The following DHRSX variants were observed in gnomAD, a reference collection of about 807,000 sequenced individuals.
DHRSX encodes dehydrogenase/reductase X-linked.
In DHRSX, 31 loss-of-function variants were observed where a neutral mutation model predicts 34.0. That is an observed-to-expected ratio of 0.91 (90% CI 0.69 to 1.23). The LOEUF is 1.23. DHRSX is among the 50% of genes most tolerant of loss of function. The pLI, the probability that DHRSX is intolerant of heterozygous loss-of-function variation, is 0.00. For synonymous variants in DHRSX, 201 were observed against 183.8 expected (o/e 1.09, Z -0.76); for missense variants, 414 against 428.1 (o/e 0.97, Z 0.29).
At chrX:2,399,205 G>C (rs944225855) in intron 3 of DHRSX, among the ~76,000 whole-genome samples, 8 of 152,234 alleles carry the variant, frequency 5.3e-5, no homozygotes, top group Non-Finnish European at 8.8e-5. Flanking sequence ...AACTTTCAGA[G>C]AGTGTGGGAC....
chrX:2,373,647 A>G (rs899635605), intron 3 of DHRSX, among the ~76,000 whole-genome samples: 3 of 152,166 alleles, frequency 2.0e-5, no homozygotes, highest in Non-Finnish European at 4.4e-5. Context: ...GAAAAGGGGA[A>G]GGGGTTGTTG....
At chrX:2,336,728 G>A (rs1191991191) in intron 3 of DHRSX, among the ~76,000 whole-genome samples, 2 of 151,732 alleles carry the variant, frequency 1.3e-5, no homozygotes, top group African/African-American at 4.8e-5. Context: ...GCACAGTACT[G>A]CCCACATCGT....
Position 2,350,284 on chromosome X carries a change from G to A in DHRSX, c.286+58461C>T, listed in dbSNP as rs776007729. ...GAGAATCATTTGAACTTGGGAGGCG[G>A]AGGTTGCAGTGAGCCGAGATCACGC... On this transcript the variant is annotated intron_variant, in intron 3 of 6. Coordinates refer to ENST00000334651, the MANE Select transcript of DHRSX (RefSeq NM_145177.3). 2.5e-3 allele frequency among the ~76,000 whole-genome samples: 385 copies of A among 152,200 alleles called. 4 individuals are homozygous for A. The highest frequency in any genetic ancestry group is 8.7e-3 in the African/African-American group (363 of 41,524).
chrX:2,487,271 C>A (rs2044965842), intron 1 of DHRSX: 1 of 152,206 alleles, frequency 6.6e-6, no homozygotes, highest in Admixed American at 6.5e-5. Flanking sequence ...GTAATCAAAT[C>A]AAAAACACCT....
intron 3 of DHRSX, among the ~76,000 whole-genome samples, chrX:2,360,532 A>G (rs759416362): frequency 4.7e-4 from 72 of 152,106 alleles, no homozygotes; most frequent in South Asian, 1.7e-3. Flanking sequence ...GCAGTGAGCC[A>G]AGATCGCGCC....
chrX:2,310,488 C>G (rs897170312), intron 3 of DHRSX, among the ~76,000 whole-genome samples: 2 of 151,800 alleles, frequency 1.3e-5, no homozygotes, highest in South Asian at 2.1e-4. Context: ...ATCCATCTGC[C>G]CCTAAGACCT....
At chrX:2,480,776 A>C (rs1018322020) in intron 1 of DHRSX, among the ~76,000 whole-genome samples, 4 of 152,076 alleles carry the variant, frequency 2.6e-5, no homozygotes, top group Non-Finnish European at 5.9e-5. Flanking sequence ...TATGAACATG[A>C]TGCTGCACTC....
chrX:2,420,227 T>A (rs985743743), intron 2 of DHRSX, among the ~76,000 whole-genome samples: 20 of 150,862 alleles, frequency 1.3e-4, no homozygotes, highest in African/African-American at 4.4e-4. Context: ...ACCTACATGG[T>A]GAAACCCCCC....
At chrX:2,258,068 G>A (rs1251289633) in intron 5 of DHRSX, among the ~76,000 whole-genome samples, 19 of 152,156 alleles carry the variant, frequency 1.2e-4, no homozygotes, top group Admixed American at 1.1e-3. Context: ...AGGACACAGG[G>A]CGATGATGAC....
At chrX:2,298,751 C>T (rs1347768389) in intron 3 of DHRSX, among the ~76,000 whole-genome samples, 3 of 151,748 alleles carry the variant, frequency 2.0e-5, no homozygotes, top group African/African-American at 7.3e-5. Context: ...TTTGGGAGGC[C>T]GAGGCGGGCG....
Position 2,478,321 on chromosome X carries a change from G to A in DHRSX, c.109+22496C>T, listed in dbSNP as rs190711758. 2.2e-3 allele frequency among the ~76,000 whole-genome samples: 332 copies of A among 151,794 alleles called. 2 individuals are homozygous for A. The highest frequency in any genetic ancestry group is 6.7e-3 in the African/African-American group (277 of 41,214). On this transcript the variant is annotated intron_variant, in intron 1 of 6. Coordinates refer to ENST00000334651, the MANE Select transcript of DHRSX (RefSeq NM_145177.3). ...TCCACATGAGAGTCACAGACACCCA[G>A]TGAAGAAGCAAAAGCAGCTTACAGG...
intron 5 of DHRSX, among the ~76,000 whole-genome samples, chrX:2,264,160 C>A (rs2041404340): frequency 6.6e-6 from 1 of 152,236 alleles, no homozygotes; most frequent in African/African-American, 2.4e-5. Flanking sequence ...CACAACACAG[C>A]GCCAGGAGCA....
chrX:2,241,053 G>A (rs1413182904), intron 6 of DHRSX, among the ~76,000 whole-genome samples: 11 of 151,916 alleles, frequency 7.2e-5, no homozygotes, highest in African/African-American at 2.7e-4. Flanking sequence ...GCATGGTGGC[G>A]CACACCTGCA....
chrX:2,442,233 T>C (rs1030385100), intron 1 of DHRSX, among the ~76,000 whole-genome samples: 1 of 151,374 alleles, frequency 6.6e-6, no homozygotes, highest in African/African-American at 2.4e-5. Context: ...TGGATCATCC[T>C]AAAGGTCTCC....
At chrX:2,225,295 TACAC>T (rs68052373) in intron 6 of DHRSX, among the ~76,000 whole-genome samples, 59,661 of 149,982 alleles carry the variant, frequency 0.4, 13,028 homozygotes, top group Middle Eastern at 0.55. Flanking sequence ...CTTTCACATG[TACAC>T]ACATTCACAT....
rs1037272653 is a variant in DHRSX, at chrX:2,243,083, G to A, written c.744C>T (p.Tyr248=). Residue 248 remains tyrosine, a synonymous_variant, in exon 6 of 7, where the codon TAC becomes TAT. Coordinates refer to ENST00000334651, the MANE Select transcript of DHRSX (RefSeq NM_145177.3). ...GACGGGTGGCCCAGAACACGTGCTT[G>A]TAGACGTCCGTGTTGACCACCCCGG... ...VDPGVVNTDV[Y]KHVFWATRLA... 8.1e-6 allele frequency: 13 copies of A among 1,613,900 alleles called. No individual in the cohort carries two copies. Among genetic ancestry groups the A allele is most frequent in the Non-Finnish European group, 1.1e-5 (13 of 1,179,852 alleles).
At chrX:2,415,538 T>C (rs1292175616) in intron 2 of DHRSX, among the ~76,000 whole-genome samples, 2 of 151,760 alleles carry the variant, frequency 1.3e-5, no homozygotes, top group Non-Finnish European at 2.9e-5. Flanking sequence ...TTAGATCTCA[T>C]CATGACCTAA....
chrX:2,451,001 G>A (rs1451721481), intron 1 of DHRSX, among the ~76,000 whole-genome samples: 1 of 151,856 alleles, frequency 6.6e-6, no homozygotes, highest in Non-Finnish European at 1.5e-5. Flanking sequence ...CCAGGAAGTG[G>A]GTCCCCACCA....
rs377634613 is a variant in DHRSX, at chrX:2,224,406, G to A, written c.805-3177C>T. Among the ~76,000 whole-genome samples, 14 of 152,304 alleles carry A rather than the reference G, an allele frequency of 9.2e-5. No homozygotes were observed. In the East Asian group the frequency reaches 9.6e-4, roughly 10 times the overall value. ...GAAAAATCCTCTTATCTGAGTAAGA[G>A]TTCTTGGGCTATGCATATTCAATTG... is the stretch of plus-strand genomic sequence containing the variant. On this transcript the variant is annotated intron_variant, in intron 6 of 6. Transcript: ENST00000334651.
Sources: allele counts gnomAD v4.1 joint callset (sites outside exome capture counted in the v4.1 genomes callset), GRCh38; gene constraint gnomAD v4.1.1; transcripts MANE v1.5; gene names NCBI Gene and HGNC (gene_info 2026-07-23, HGNC 2026-07-21).